EXOC4: variants seen among roughly 807,000 people sequenced by gnomAD.
EXOC4 encodes the protein exocyst complex component 4.
In EXOC4, 71 loss-of-function variants were observed where a neutral mutation model predicts 107.2. The ratio of observed to expected loss-of-function variants is 0.66; its 90% CI spans 0.55 to 0.81. The LOEUF (loss-of-function observed/expected upper bound fraction) is 0.81, where lower values mean the gene tolerates loss of function less well. Ranked by LOEUF, EXOC4 falls within the 30% of genes least tolerant of loss-of-function variation. EXOC4 has a pLI of 0.00. For synonymous variants in EXOC4, 456 were observed against 441.2 expected (o/e 1.03, Z -0.42); for missense variants, 1,108 against 1,189.6 (o/e 0.93, Z 1.01).
At chr7:133,659,000 CTTTTTTTTTTTTTTT>C (rs397890140) in intron 10 of EXOC4, among the ~76,000 whole-genome samples, 2 of 40,108 alleles carry the variant, frequency 5.0e-5, no homozygotes, top group South Asian at 1.6e-3. Flanking sequence ...TTCAGAGAAG[CTTTTTTTTTTTTTTT>C]TTTTTTTTTT....
At chr7:133,725,302 A>G (rs1046151281) in intron 10 of EXOC4, among the ~76,000 whole-genome samples, 2 of 152,210 alleles carry the variant, frequency 1.3e-5, no homozygotes, top group Admixed American at 1.3e-4. Flanking sequence ...AGGAATGCAG[A>G]TCAAGGCTTA....
At chr7:133,445,229 T>G (rs1237656538) in intron 7 of EXOC4, among the ~76,000 whole-genome samples, 1 of 152,218 alleles carries the variant, frequency 6.6e-6, no homozygotes, top group Non-Finnish European at 1.5e-5. Context: ...AGGTTTCTGA[T>G]CTTCAGATTT....
chr7:133,806,099 A>G (rs1797070177), intron 10 of EXOC4, among the ~76,000 whole-genome samples: 1 of 152,242 alleles, frequency 6.6e-6, no homozygotes, highest in South Asian at 2.1e-4. Flanking sequence ...TTAGACCTGG[A>G]ACACTAACAT....
At position 133,265,128 on chromosome 7, in the gene EXOC4, G is replaced by T. The variant is rs552700015; in HGVS notation, c.87-9854G>T. On this transcript the variant is annotated intron_variant, in intron 1 of 17. Transcript: ENST00000253861. ...TTTTTTTCTTGCATCGGGATGAGTA[G>T]CAACAGGAATATTATGTTCTGGAAA... Among the ~76,000 whole-genome samples the T allele has an allele frequency of 1.6e-4, 24 of 152,190 alleles. No individual in the cohort carries two copies. In the South Asian group the frequency reaches 4.8e-3, roughly 30 times the overall value.
chr7:134,054,507 C>T (rs7798547), intron 17 of EXOC4, among the ~76,000 whole-genome samples: 26,840 of 152,112 alleles, frequency 0.18, 2,739 homozygotes, highest in African/African-American at 0.27. Context: ...TTCACAGCCC[C>T]TCCCCGTTCA....
chr7:133,946,700 G>C (rs1434291751), intron 14 of EXOC4, among the ~76,000 whole-genome samples: 2 of 152,224 alleles, frequency 1.3e-5, no homozygotes, highest in South Asian at 2.1e-4. Flanking sequence ...GATGCTGCTT[G>C]TTCTTTTATT....
At chr7:133,437,414 C>A (rs1798001008) in intron 7 of EXOC4, among the ~76,000 whole-genome samples, 1 of 152,108 alleles carries the variant, frequency 6.6e-6, no homozygotes. Flanking sequence ...GGTCTTTTCC[C>A]ATTTTCGATT....
chr7:133,788,143 C>T (rs1796627307), intron 10 of EXOC4, among the ~76,000 whole-genome samples: 1 of 150,406 alleles, frequency 6.6e-6, no homozygotes, highest in South Asian at 2.1e-4. Context: ...TACTCATCTT[C>T]TCTACCTCTT....
intron 11 of EXOC4, among the ~76,000 whole-genome samples, chr7:133,854,443 C>CAG (rs1187411151): frequency 6.6e-6 from 1 of 151,548 alleles, no homozygotes; most frequent in Non-Finnish European, 1.5e-5. Flanking sequence ...CACACACACA[C>CAG]ACACACATAC....
Position 133,895,751 on chromosome 7 carries a change from G to A in EXOC4, c.1871+16G>A, listed in dbSNP as rs1421009937. On this transcript the variant is annotated intron_variant, in intron 12 of 17. Coordinates refer to ENST00000253861, the MANE Select transcript of EXOC4 (RefSeq NM_021807.4). Reference sequence around the variant, plus strand: ...CAGCTTACAGGTAGAGCTTCTGTTAGGGGCTAAGCAAAGTAACGTTTGAGC... The same window carrying A: ...CAGCTTACAGGTAGAGCTTCTGTTAAGGGCTAAGCAAAGTAACGTTTGAGC... The A allele has an allele frequency of 3.1e-6, 5 of 1,604,584 alleles. No individual in the cohort carries two copies. Among genetic ancestry groups the A allele is most frequent in the Non-Finnish European group, 4.3e-6 (5 of 1,174,342 alleles).
intron 9 of EXOC4, among the ~76,000 whole-genome samples, chr7:133,573,540 A>T (rs1045744679): frequency 1.3e-5 from 2 of 152,192 alleles, no homozygotes; most frequent in African/African-American, 4.8e-5. Context: ...GTACCTGGAA[A>T]GCTGTGGTAA....
intron 7 of EXOC4, among the ~76,000 whole-genome samples, chr7:133,414,952 C>A (rs1797441512): frequency 6.6e-6 from 1 of 152,116 alleles, no homozygotes; most frequent in African/African-American, 2.4e-5. Context: ...CTGTCATATT[C>A]TCCAGCCCTA....
At chr7:133,509,151 G>A (rs749637845) in intron 9 of EXOC4, among the ~76,000 whole-genome samples, 4 of 152,218 alleles carry the variant, frequency 2.6e-5, no homozygotes, top group Admixed American at 2.0e-4. Flanking sequence ...CAGAGGGGCC[G>A]GGCACTGTGG....
In EXOC4 at chr7:133,998,551, A is replaced by T. The variant is rs142706293; in HGVS notation, c.2348+918A>T. 2.1e-3 allele frequency among the ~76,000 whole-genome samples: 322 copies of T among 152,260 alleles called. 3 individuals carry two copies. The highest frequency in any genetic ancestry group is 7.4e-3 in the African/African-American group (308 of 41,552). On this transcript the variant is annotated intron_variant, in intron 15 of 17. Transcript: ENST00000253861. ...GGTTTTAAGAGCAGAGAGGAGGCTG[A>T]TATGCTTGTAGGCTGATGAACAAGC...
chr7:133,597,292 G>A (rs1267033095), intron 9 of EXOC4, among the ~76,000 whole-genome samples: 3 of 152,102 alleles, frequency 2.0e-5, no homozygotes, highest in Admixed American at 6.5e-5. Flanking sequence ...GGTGTCTCAC[G>A]CCTGTAATCC....
At chr7:133,532,930 G>C (rs1386526600) in intron 9 of EXOC4, among the ~76,000 whole-genome samples, 3 of 151,972 alleles carry the variant, frequency 2.0e-5, no homozygotes, top group Non-Finnish European at 4.4e-5. Context: ...TTTGAATGTA[G>C]TTTTTTCTTT....
At chr7:133,845,799 G>A (rs1488583971) in intron 11 of EXOC4, among the ~76,000 whole-genome samples, 6 of 152,152 alleles carry the variant, frequency 3.9e-5, no homozygotes, top group Non-Finnish European at 5.9e-5. Flanking sequence ...ATCATGCCAT[G>A]AACACAAGTC....
chr7:133,301,874 G>A (rs902228251), intron 3 of EXOC4, among the ~76,000 whole-genome samples: 1 of 152,116 alleles, frequency 6.6e-6, no homozygotes, highest in African/African-American at 2.4e-5. Flanking sequence ...TATTTACAGT[G>A]GTTCATGTCA....
At chr7:133,812,049 A>G (rs544232721) in intron 10 of EXOC4, among the ~76,000 whole-genome samples, 1 of 152,272 alleles carries the variant, frequency 6.6e-6, no homozygotes, top group South Asian at 2.1e-4. Flanking sequence ...GCTCATTCCT[A>G]CATCCATTTA....
Sources: gnomAD v4.1 joint callset for allele counts (sites outside exome capture counted in the v4.1 genomes callset) on GRCh38, gnomAD v4.1.1 for gene constraint, MANE v1.5 for transcripts, NCBI Gene and HGNC (gene_info 2026-07-23, HGNC 2026-07-21) for gene names.